RHOBTB2: variants seen among roughly 807,000 people sequenced by gnomAD.
RHOBTB2 encodes the protein Rho related BTB domain containing 2, also known as rho-related BTB domain-containing protein 2.
RHOBTB2 carries 39 observed loss-of-function variants against 66.5 expected under a neutral mutation model. The observed-to-expected ratio is 0.59, with a 90% confidence interval of 0.45 to 0.77. The LOEUF is 0.77. Ranked by LOEUF, RHOBTB2 falls within the 30% of genes least tolerant of loss-of-function variation. The probability of loss-of-function intolerance (pLI) is 0.00; values close to 1 mark genes in which losing one functional copy is unlikely to be tolerated. For missense variants in RHOBTB2, 755 were observed against 999.1 expected (o/e 0.76, Z 3.29); for synonymous variants, 390 against 395.0 (o/e 0.99, Z 0.15).
upstream of RHOBTB2, among the ~76,000 whole-genome samples, chr8:22,999,360 G>C (rs1175180081): frequency 1.3e-5 from 2 of 152,128 alleles, no homozygotes; most frequent in South Asian, 2.1e-4. Context: ...TGGAGGGACC[G>C]GCGCCACCCA....
At position 23,004,181 on chromosome 8, in the gene RHOBTB2, G is replaced by T. The variant is rs1016858701; in HGVS notation, c.-10-244G>T. ...CATCCAGACGCACAGCTGGAGGATCGTGGGAGCAGGAAGGGGACAGGTGGC... is the reference window on the plus strand; with the variant it reads ...CATCCAGACGCACAGCTGGAGGATCTTGGGAGCAGGAAGGGGACAGGTGGC... On this transcript the variant is annotated intron_variant, in intron 1 of 9. Transcript: ENST00000251822. This position sits in a 1 kb window ranked among gnomAD's most constrained non-coding sequence, Gnocchi z 6.4. 3 of 539,354 alleles carry T rather than the reference G, an allele frequency of 5.6e-6. No homozygotes were observed. The highest frequency in any genetic ancestry group is 1.0e-5 in the Non-Finnish European group (3 of 297,608). 33.4% of individuals were successfully genotyped at this position (539,354 alleles called of 1,614,324 possible).
At chr8:22,969,569 C>T in the RHOBTB2 span, among the ~76,000 whole-genome samples, 1 of 151,978 alleles carries the variant, frequency 6.6e-6, no homozygotes, top group Admixed American at 6.6e-5. Flanking sequence ...AAAACGAAGC[C>T]AGGTACATTT....
intron 1 of RHOBTB2, among the ~76,000 whole-genome samples, chr8:22,988,410 C>A (rs1053441532): frequency 6.6e-6 from 1 of 152,036 alleles, no homozygotes; most frequent in African/African-American, 2.4e-5. Flanking sequence ...GACCCGCCCA[C>A]CTCGGCCTCC....
the RHOBTB2 span, among the ~76,000 whole-genome samples, chr8:22,964,458 AT>A: frequency 6.6e-6 from 1 of 152,184 alleles, no homozygotes; most frequent in Admixed American, 6.6e-5. Context: ...CTGCAAAAAA[AT>A]AAGACCATTT....
the RHOBTB2 span, among the ~76,000 whole-genome samples, chr8:22,951,043 A>G: frequency 2.0e-5 from 3 of 152,138 alleles, no homozygotes; most frequent in African/African-American, 7.2e-5. Flanking sequence ...TCATTAGAAG[A>G]AAAACCTTAC....
chr8:22,989,439 T>A (rs1810369219), intron 1 of RHOBTB2, among the ~76,000 whole-genome samples: 1 of 152,222 alleles, frequency 6.6e-6, no homozygotes, highest in South Asian at 2.1e-4. Flanking sequence ...AAGCCATGCA[T>A]CTGGCCGCAT....
chr8:22,998,417 G>A (rs1338302556), upstream of RHOBTB2, among the ~76,000 whole-genome samples: 3 of 152,154 alleles, frequency 2.0e-5, no homozygotes, highest in African/African-American at 7.2e-5. Flanking sequence ...ACCAGACTGA[G>A]CTGACTACTT....
chr8:22,981,267 C>T, the RHOBTB2 span, among the ~76,000 whole-genome samples: 1 of 152,168 alleles, frequency 6.6e-6, no homozygotes, highest in Non-Finnish European at 1.5e-5. Context: ...GATTCAACCA[C>T]CCAGTAAAAG....
chr8:22,968,352 A>C, the RHOBTB2 span, among the ~76,000 whole-genome samples: 4 of 152,150 alleles, frequency 2.6e-5, no homozygotes, highest in African/African-American at 9.7e-5. Context: ...AAAGTTTATT[A>C]AAGAAATCTT....
chr8:22,979,089 T>C, the RHOBTB2 span, among the ~76,000 whole-genome samples: 3 of 152,170 alleles, frequency 2.0e-5, no homozygotes, highest in South Asian at 2.1e-4. Flanking sequence ...CACTGACCTT[T>C]GGGATGCAAT....
chr8:23,009,315 C>T (rs536551547), intron 6 of RHOBTB2, among the ~76,000 whole-genome samples: 3 of 152,128 alleles, frequency 2.0e-5, no homozygotes, highest in Non-Finnish European at 4.4e-5. Flanking sequence ...AGATTGGAAA[C>T]TTAGGGTTGG....
chr8:22,977,293 T>C, the RHOBTB2 span, among the ~76,000 whole-genome samples: 7 of 152,168 alleles, frequency 4.6e-5, no homozygotes, highest in Non-Finnish European at 7.3e-5. Flanking sequence ...TAGATATTTG[T>C]CGAAGGCCAG....
At chr8:22,958,156 A>G in the RHOBTB2 span, among the ~76,000 whole-genome samples, 1 of 152,206 alleles carries the variant, frequency 6.6e-6, no homozygotes, top group African/African-American at 2.4e-5. Context: ...CTGTCTGTTC[A>G]GCAGTTAGGG....
chr8:23,004,979 A>G lies in RHOBTB2; in HGVS notation c.192+353A>G, dbSNP rs1810903185. 1 of 419,594 alleles carries G rather than the reference A, an allele frequency of 2.4e-6. No individual in the cohort carries two copies. Among genetic ancestry groups the G allele is most frequent in the Non-Finnish European group, 4.4e-6 (1 of 227,244 alleles). The allele number at this position is 419,594 out of a possible 1,614,324, so 26.0% of individuals were successfully genotyped here. ...AGAGGAGCAAAGAAGCTGGCAGCTG[A>G]TAGCAAAAGACCAGAGGCTCACAAA... On this transcript the variant is annotated intron_variant, in intron 2 of 9. Transcript: ENST00000251822. This position sits in a 1 kb window ranked among gnomAD's most constrained non-coding sequence, Gnocchi z 6.4.
At chr8:22,995,554 G>A (rs184456126), upstream of RHOBTB2, among the ~76,000 whole-genome samples, 54 of 152,322 alleles carry the variant, frequency 3.5e-4, no homozygotes, top group Non-Finnish European at 6.6e-4. Context: ...TAGAGTGTTC[G>A]GACTGAAGAA....
At chr8:22,979,634 T>A in the RHOBTB2 span, among the ~76,000 whole-genome samples, 38 of 152,162 alleles carry the variant, frequency 2.5e-4, no homozygotes, top group African/African-American at 8.4e-4. Flanking sequence ...TTTTCCTGAC[T>A]TGTGATTATT....
the RHOBTB2 span, among the ~76,000 whole-genome samples, chr8:22,953,399 T>G: frequency 6.6e-6 from 1 of 151,442 alleles, no homozygotes; most frequent in Admixed American, 6.6e-5. Flanking sequence ...TGACCATCAC[T>G]TGATGACCAC....
upstream of RHOBTB2, chr8:22,999,538 G>A (rs1810692955): frequency 1.7e-6 from 2 of 1,144,384 alleles, no homozygotes; most frequent in Non-Finnish European, 2.2e-6. Context: ...AACTGCGCGC[G>A]GCAGTGGGCG....
At chr8:22,999,030 T>A (rs1810668170), upstream of RHOBTB2, 1 of 152,032 alleles carries the variant, frequency 6.6e-6, no homozygotes. Context: ...GTGGTACAGG[T>A]ACCCACCCCA....
Sources: allele counts gnomAD v4.1 joint callset (sites outside exome capture counted in the v4.1 genomes callset), GRCh38; gene constraint gnomAD v4.1.1; non-coding constraint Gnocchi (gnomAD v3.1); transcripts MANE v1.5; gene names NCBI Gene and HGNC (gene_info 2026-07-23, HGNC 2026-07-21).